PDE12: variants seen among roughly 807,000 people sequenced by gnomAD.
PDE12 encodes 2',5'-phosphodiesterase 12.
In PDE12, 26 loss-of-function variants were observed where a neutral mutation model predicts 45.4. That is an observed-to-expected ratio of 0.57 (90% CI 0.42 to 0.79). The LOEUF is 0.79. PDE12 is among the 30% of genes least tolerant of loss of function. The pLI is 0.00. For missense variants in PDE12, 668 were observed against 790.0 expected (o/e 0.85, Z 1.85); for synonymous variants, 283 against 323.9 (o/e 0.87, Z 1.36).
At chr3:57,569,823 C>G (rs924712719), downstream of PDE12, among the ~76,000 whole-genome samples, 1 of 90,186 alleles carries the variant, frequency 1.1e-5, no homozygotes, top group African/African-American at 4.7e-5. Context: ...CAGAGTAAAA[C>G]CATCTCAAAA....
At chr3:57,596,152 T>G in the PDE12 span, among the ~76,000 whole-genome samples, 2 of 152,090 alleles carry the variant, frequency 1.3e-5, no homozygotes, top group Non-Finnish European at 2.9e-5. Flanking sequence ...CTCCCTCAGC[T>G]GAGCAAAAAC....
the PDE12 span, among the ~76,000 whole-genome samples, chr3:57,643,966 T>C: frequency 4.6e-5 from 7 of 151,266 alleles, no homozygotes; most frequent in East Asian, 1.2e-3. Flanking sequence ...CTGGCCAATA[T>C]AGTGAAACCC....
chr3:57,603,539 G>A, the PDE12 span, among the ~76,000 whole-genome samples: 4 of 150,660 alleles, frequency 2.7e-5, no homozygotes, highest in Non-Finnish European at 5.9e-5. Context: ...GGTTTCACAT[G>A]TTGGCTAGGC....
chr3:57,653,742 T>C, the PDE12 span, among the ~76,000 whole-genome samples: 1 of 114,838 alleles, frequency 8.7e-6, no homozygotes, highest in African/African-American at 3.8e-5. Flanking sequence ...CGAGACTCCA[T>C]CTAAAAAAAA....
chr3:57,597,942 T>C, the PDE12 span: 2 of 152,202 alleles, frequency 1.3e-5, no homozygotes, highest in Non-Finnish European at 1.5e-5. Flanking sequence ...CCTAATGAGC[T>C]AGGGCTAGAC....
At chr3:57,649,858 C>CTT in the PDE12 span, among the ~76,000 whole-genome samples, 1 of 150,104 alleles carries the variant, frequency 6.7e-6, no homozygotes, top group East Asian at 1.9e-4. Flanking sequence ...CTCTATCCCA[C>CTT]TAGACCACGT....
the PDE12 span, among the ~76,000 whole-genome samples, chr3:57,581,078 T>C: frequency 2.6e-5 from 4 of 152,212 alleles, no homozygotes; most frequent in Admixed American, 6.5e-5. Flanking sequence ...ATGAAATTAT[T>C]TGAAAAGCCA....
At chr3:57,622,402 T>C in the PDE12 span, among the ~76,000 whole-genome samples, 1 of 152,160 alleles carries the variant, frequency 6.6e-6, no homozygotes, top group Non-Finnish European at 1.5e-5. Flanking sequence ...TTAGAATGGC[T>C]GACATTAAAA....
At chr3:57,613,983 C>T in the PDE12 span, among the ~76,000 whole-genome samples, 1 of 147,654 alleles carries the variant, frequency 6.8e-6, no homozygotes, top group Non-Finnish European at 1.5e-5. Context: ...ACCCTGCTAA[C>T]TAACACTAGT....
At chr3:57,597,350 G>A in the PDE12 span, 2 of 490,680 alleles carry the variant, frequency 4.1e-6, no homozygotes, top group South Asian at 2.3e-5. Context: ...CGACTGGCGC[G>A]GCAGCTCCGG....
the PDE12 span, among the ~76,000 whole-genome samples, chr3:57,651,940 G>A: frequency 6.6e-6 from 1 of 152,130 alleles, no homozygotes; most frequent in Non-Finnish European, 1.5e-5. Context: ...TGTGCATGGT[G>A]GCTCACTCCT....
chr3:57,569,352 TTTATTA>T (rs547476547), downstream of PDE12, among the ~76,000 whole-genome samples: 1,393 of 152,084 alleles, frequency 9.2e-3, 14 homozygotes, highest in Non-Finnish European at 0.015. Flanking sequence ...TTGCTAATAC[TTTATTA>T]TTATTATTAT....
At chr3:57,557,811 C>G (rs2069683501) in intron 1 of PDE12, 124 bp downstream of exon 1, 1 of 862,316 alleles carries the variant, frequency 1.2e-6, no homozygotes, top group Admixed American at 2.8e-5. Flanking sequence ...GTGTGTTTGC[C>G]CTTGTATCTT....
At position 57,561,131 on chromosome 3, in the gene PDE12, T is replaced by C; in HGVS notation, c.*1127T>C. ...TAGCAACATATTCAACTTGATCCCATTGTCTTCAGTTACTCTTGCCCATGA... is the reference window on the plus strand; with the variant it reads ...TAGCAACATATTCAACTTGATCCCACTGTCTTCAGTTACTCTTGCCCATGA... On this transcript the variant is annotated 3_prime_UTR_variant, in exon 3 of 3. Coordinates refer to ENST00000311180, the MANE Select transcript of PDE12 (RefSeq NM_177966.7). 5 of 985,248 alleles carry C rather than the reference T, an allele frequency of 5.1e-6. No homozygotes were observed. The highest frequency in any genetic ancestry group is 1.1e-4 in the East Asian group (1 of 8,822). The allele number at this position is 985,248 out of a possible 1,614,324, so 61.0% of individuals were successfully genotyped here.
At chr3:57,616,244 A>G in the PDE12 span, among the ~76,000 whole-genome samples, 1 of 152,134 alleles carries the variant, frequency 6.6e-6, no homozygotes, top group Non-Finnish European at 1.5e-5. Flanking sequence ...GAATCACTTG[A>G]GCCCAGCAGA....
the PDE12 span, among the ~76,000 whole-genome samples, chr3:57,632,396 T>C: frequency 6.6e-6 from 1 of 151,932 alleles, no homozygotes; most frequent in Non-Finnish European, 1.5e-5. Context: ...CACAGCCTAC[T>C]GTAGTCTCAA....
At position 57,557,701 on chromosome 3, in the gene PDE12, G is replaced by A. The variant is rs747477664; in HGVS notation, c.1308+14G>A. 16 of 1,607,720 alleles carry A rather than the reference G, an allele frequency of 1.0e-5. No individual in the cohort carries two copies. In the East Asian group the frequency reaches 3.6e-4, roughly 36 times the overall value. ...TCTGTTCTTCAGGTAAAGTAGTTCC[G>A]CCCGTCTCTTCACATACTGTCCCAC... On this transcript the variant is annotated intron_variant, in intron 1 of 2. Transcript: ENST00000311180.
At chr3:57,632,378 C>T in the PDE12 span, among the ~76,000 whole-genome samples, 1 of 151,558 alleles carries the variant, frequency 6.6e-6, no homozygotes, top group Admixed American at 6.6e-5. Flanking sequence ...GGAGTGCAGT[C>T]GTGCAATCAC....
rs1280944539 is a variant in PDE12 at position 57,557,571 on chromosome 3, G to A, written c.1192G>A (p.Asp398Asn). The change falls in exon 1 of 3, where the codon GAC becomes AAC. Residue 398 changes from aspartate (D) to asparagine (N), a missense_variant. Around this residue, in one of 3 missense-constraint regions of PDE12, gnomAD observed 580 missense variants for 662.9 expected, o/e 0.87. Transcript: ENST00000311180. Reference protein sequence around the residue: ...KSKFSLLSQHDISFYEALESD... With the variant: ...KSKFSLLSQHNISFYEALESD... ...TAAGTTCAGCCTTCTTAGCCAGCAT[G>A]ACATTTCATTCTACGAAGCCCTCGA... is the stretch of plus-strand genomic sequence containing the variant. The A allele has an allele frequency of 1.9e-6, 3 of 1,614,108 alleles. No homozygotes were observed. In the Admixed American group the frequency reaches 5.0e-5, roughly 27 times the overall value.
Sources: gnomAD v4.1 joint callset for allele counts (sites outside exome capture counted in the v4.1 genomes callset) on GRCh38, gnomAD v4.1.1 for gene constraint, gnomAD v4.1.1 regional missense constraint, MANE v1.5 for transcripts, NCBI Gene and HGNC (gene_info 2026-07-23, HGNC 2026-07-21) for gene names.